The following LARGE1 variants were observed in gnomAD, a reference collection of about 807,000 sequenced individuals.
LARGE1 encodes the protein xylosyl- and glucuronyltransferase LARGE1.
LARGE1 carries 43 observed loss-of-function variants against 87.6 expected under a neutral mutation model. The ratio of observed to expected loss-of-function variants is 0.49; its 90% CI spans 0.38 to 0.63. The LOEUF (loss-of-function observed/expected upper bound fraction) is 0.63. Ranked by LOEUF, LARGE1 falls within the 30% of genes least tolerant of loss-of-function variation. LARGE1 has a pLI of 0.00. For missense variants in LARGE1, 802 were observed against 1,000.2 expected, an observed-to-expected ratio of 0.80 and a Z score of 2.67; for synonymous variants, 434 against 394.6, an observed-to-expected ratio of 1.10 and a Z score of -1.18.
At chr22:33,434,441 C>T (rs564399553) in intron 6 of LARGE1, among the ~76,000 whole-genome samples, 107 of 152,324 alleles carry the variant, frequency 7.0e-4, no homozygotes, top group Non-Finnish European at 1.4e-3. Flanking sequence ...GCTGGGACTA[C>T]AGGCACACAC....
At chr22:33,656,646 C>T (rs992000729) in intron 2 of LARGE1, among the ~76,000 whole-genome samples, 1 of 152,158 alleles carries the variant, frequency 6.6e-6, no homozygotes, top group Non-Finnish European at 1.5e-5. Context: ...GGTTTCTACT[C>T]TTTAGATATA....
chr22:33,484,604 T>C (rs908496369), intron 6 of LARGE1, among the ~76,000 whole-genome samples: 1 of 152,188 alleles, frequency 6.6e-6, no homozygotes, highest in African/African-American at 2.4e-5. Flanking sequence ...CAGAGGTGCT[T>C]CCACGACAGG....
At chr22:33,912,702 C>T (rs115171962) in intron 1 of LARGE1, among the ~76,000 whole-genome samples, 102 of 152,048 alleles carry the variant, frequency 6.7e-4, no homozygotes, top group African/African-American at 2.3e-3. Flanking sequence ...CCTTAAACGC[C>T]CTACAGTTTA....
chr22:33,615,671 C>CAAAAAAAAA (rs3072281), intron 4 of LARGE1, among the ~76,000 whole-genome samples: 1 of 134,574 alleles, frequency 7.4e-6, no homozygotes. Flanking sequence ...TAAGGAAAAA[C>CAAAAAAAAA]AAAAAAAAAA....
In LARGE1 at chr22:33,876,038, G is replaced by A. The variant is rs148608023; in HGVS notation, c.-83+43957C>T. 6.9e-3 allele frequency among the ~76,000 whole-genome samples: 1,045 copies of A among 152,270 alleles called. 12 individuals are homozygous for A. Among genetic ancestry groups the A allele is most frequent in the African/African-American group, 0.023 (964 of 41,554 alleles). On this transcript the variant is annotated intron_variant, in intron 1 of 14. Transcript: ENST00000397394. ...CAATCTTGGGATTTTAGAACAAAAC[G>A]TCATAGAAGAAAACATACAGGATGG...
chr22:33,785,034 CAT>C (rs372514407), intron 1 of LARGE1, among the ~76,000 whole-genome samples: 2,582 of 145,338 alleles, frequency 0.018, 182 homozygotes, highest in African/African-American at 0.065. Flanking sequence ...TGTGTATATA[CAT>C]ATATGTGTAT....
chr22:33,400,860 A>T (rs2065905744), intron 7 of LARGE1, among the ~76,000 whole-genome samples: 1 of 152,192 alleles, frequency 6.6e-6, no homozygotes, highest in South Asian at 2.1e-4. Context: ...CTCTACTTTA[A>T]TTCCTCATTT....
At chr22:33,418,847 C>T (rs1404982795) in intron 7 of LARGE1, among the ~76,000 whole-genome samples, 1 of 152,110 alleles carries the variant, frequency 6.6e-6, no homozygotes, top group Non-Finnish European at 1.5e-5. Flanking sequence ...TCTTCAGGAA[C>T]CTTGGGGCAC....
chr22:33,871,982 C>CAAAAAAAAA (rs58105742), intron 1 of LARGE1, among the ~76,000 whole-genome samples: 175 of 86,654 alleles, frequency 2.0e-3, no homozygotes, highest in African/African-American at 4.8e-3. Context: ...TCTAAATCAG[C>CAAAAAAAAA]AAAAAAAAAA....
chr22:33,651,389 C>CAAAAAAAAAAAAAA, intron 2 of LARGE1, among the ~76,000 whole-genome samples: 1 of 54,352 alleles, frequency 1.8e-5, no homozygotes, highest in Non-Finnish European at 3.2e-5. Context: ...GACTCCGTCT[C>CAAAAAAAAAAAAAA]AAAAAAAAAA....
At chr22:33,777,929 T>A (rs529012106) in intron 1 of LARGE1, among the ~76,000 whole-genome samples, 6 of 152,296 alleles carry the variant, frequency 3.9e-5, no homozygotes, top group African/African-American at 1.4e-4. Context: ...GGTAACACTA[T>A]GCTGAGGAGT....
chr22:33,568,541 C>A (rs555582285), intron 5 of LARGE1, among the ~76,000 whole-genome samples: 1 of 152,046 alleles, frequency 6.6e-6, no homozygotes, highest in East Asian at 1.9e-4. Flanking sequence ...CTGAGGTGGG[C>A]GGATCCCCTG....
intron 1 of LARGE1, among the ~76,000 whole-genome samples, chr22:33,887,411 T>A (rs2064883563): frequency 1.3e-5 from 2 of 152,054 alleles, no homozygotes; most frequent in Non-Finnish European, 2.9e-5. Context: ...ATTCCAACAT[T>A]CTAGCACTGC....
intron 2 of LARGE1, among the ~76,000 whole-genome samples, chr22:33,710,015 T>C (rs546822633): frequency 6.9e-6 from 1 of 145,622 alleles, no homozygotes; most frequent in South Asian, 2.3e-4. Context: ...AACTTCATCA[T>C]CACCGTATAA....
At chr22:33,379,280 A>G (rs1032181397) in intron 9 of LARGE1, among the ~76,000 whole-genome samples, 3 of 128,156 alleles carry the variant, frequency 2.3e-5, no homozygotes, top group South Asian at 2.6e-4. Flanking sequence ...TTTTTTTATT[A>G]TACTTTAAGT....
At chr22:33,463,822 G>A (rs902625080) in intron 6 of LARGE1, among the ~76,000 whole-genome samples, 1 of 152,092 alleles carries the variant, frequency 6.6e-6, no homozygotes, top group African/African-American at 2.4e-5. Flanking sequence ...ACAGGTGCCT[G>A]CTACCACGCT....
chr22:33,587,147 A>G (rs1448783066), intron 5 of LARGE1, among the ~76,000 whole-genome samples: 1 of 152,234 alleles, frequency 6.6e-6, no homozygotes, highest in Non-Finnish European at 1.5e-5. Context: ...AAAAGCTTCA[A>G]CTATCTTATT....
chr22:33,839,223 G>A (rs971211548), intron 1 of LARGE1, among the ~76,000 whole-genome samples: 2 of 152,238 alleles, frequency 1.3e-5, no homozygotes, highest in African/African-American at 4.8e-5. Context: ...AGGTAAAAGA[G>A]GAGCAGACAC....
At chr22:33,114,078 A>C in the LARGE1 span, among the ~76,000 whole-genome samples, 1 of 136,390 alleles carries the variant, frequency 7.3e-6, no homozygotes, top group East Asian at 2.0e-4. Flanking sequence ...AGGTTTCACT[A>C]TGTTGGTCAG....
Sources: allele counts gnomAD v4.1 joint callset (sites outside exome capture counted in the v4.1 genomes callset), GRCh38; gene constraint gnomAD v4.1.1; transcripts MANE v1.5; gene names NCBI Gene and HGNC (gene_info 2026-07-23, HGNC 2026-07-21).